CPNE5: variants seen among roughly 807,000 people sequenced by gnomAD.
CPNE5 encodes the protein copine 5.
CPNE5 carries 42 observed loss-of-function variants against 81.1 expected under a neutral mutation model. The observed-to-expected ratio is 0.52, with a 90% CI of 0.40 to 0.67. The LOEUF is 0.67. Ranked by LOEUF, CPNE5 falls within the 30% of genes least tolerant of loss-of-function variation. The probability of loss-of-function intolerance (pLI) is 0.00; values close to 1 mark genes in which losing one functional copy is unlikely to be tolerated. For missense variants in CPNE5, 612 were observed against 815.5 expected, an observed-to-expected ratio of 0.75 and a Z score of 3.04; for synonymous variants, 313 against 321.5, an observed-to-expected ratio of 0.97 and a Z score of 0.28.
intron 3 of CPNE5, among the ~76,000 whole-genome samples, chr6:36,807,127 A>T (rs1018410490): frequency 1.3e-5 from 2 of 152,238 alleles, no homozygotes; most frequent in Non-Finnish European, 2.9e-5. Context: ...GCCAAGGTTT[A>T]TATCAGTTTC....
At chr6:36,835,533 C>T (rs903667314) in intron 1 of CPNE5, among the ~76,000 whole-genome samples, 8 of 152,272 alleles carry the variant, frequency 5.3e-5, no homozygotes, top group South Asian at 2.1e-4. Context: ...CAGTGGCTGA[C>T]GCCTGTAATC....
chr6:36,744,100 G>A (rs879925892), intron 19 of CPNE5, among the ~76,000 whole-genome samples, 168 bp downstream of exon 19: 8 of 152,214 alleles, frequency 5.3e-5, no homozygotes, highest in Non-Finnish European at 8.8e-5. Context: ...AAACAAATGC[G>A]TCCCACACCC....
At position 36,742,281 on chromosome 6, in the gene CPNE5, T is replaced by C. The variant is rs1274144087; in HGVS notation, c.1769A>G (p.His590Arg). Residue 590 changes from histidine to arginine, a missense_variant, in exon 21 of 21, where the codon CAC becomes CGC. Physicochemically the swap from His to Arg is conservative, Grantham distance 29. Coordinates refer to ENST00000244751, the MANE Select transcript of CPNE5 (RefSeq NM_020939.2). ...PARTPPASPL[H>R]THI is the part of the protein sequence containing the mutation. ...CTGAGACCAGGTTCAGATGTGCGTG[T>C]GCAGGGGGGACGCAGGGGGCGTGCG... The C allele has an allele frequency of 2.5e-6, 4 of 1,591,552 alleles. No homozygotes were observed. In the South Asian group the frequency reaches 3.4e-5, roughly 13 times the overall value.
chr6:36,801,948 C>T (rs1198155702), intron 3 of CPNE5, among the ~76,000 whole-genome samples: 3 of 152,238 alleles, frequency 2.0e-5, no homozygotes, highest in African/African-American at 2.4e-5. Flanking sequence ...CGGCTGGGCG[C>T]GGTGGCTGAC....
intron 10 of CPNE5, among the ~76,000 whole-genome samples, chr6:36,769,350 C>G (rs1320405502): frequency 6.6e-6 from 1 of 152,210 alleles, no homozygotes; most frequent in Non-Finnish European, 1.5e-5. Context: ...CTCTGGACAC[C>G]TAGAGCCACA....
chr6:36,770,287 C>T (rs1766938902), intron 10 of CPNE5, among the ~76,000 whole-genome samples: 1 of 152,212 alleles, frequency 6.6e-6, no homozygotes, highest in African/African-American at 2.4e-5. Context: ...GCAGCTTCTC[C>T]TTACTCTGGC....
intron 1 of CPNE5, among the ~76,000 whole-genome samples, chr6:36,834,254 CAAAAAAA>C (rs1157250827): frequency 6.5e-4 from 14 of 21,684 alleles, no homozygotes; most frequent in Admixed American, 2.3e-3. Flanking sequence ...GACTGTATCT[CAAAAAAA>C]AAAAAAAAAA....
chr6:36,831,484 G>A (rs1036065379), intron 1 of CPNE5, among the ~76,000 whole-genome samples: 2 of 151,942 alleles, frequency 1.3e-5, no homozygotes, highest in Non-Finnish European at 2.9e-5. Flanking sequence ...TTCTCGAGTA[G>A]CTGGGATTAC....
intron 10 of CPNE5, among the ~76,000 whole-genome samples, chr6:36,767,357 G>T (rs544973882): frequency 6.6e-6 from 1 of 152,116 alleles, no homozygotes. Context: ...TATGTGTTCC[G>T]GAGTGATGAC....
chr6:36,741,962 G>A lies in CPNE5; in HGVS notation c.*306C>T, dbSNP rs1419944390. On this transcript the variant is annotated 3_prime_UTR_variant, in exon 21 of 21. Transcript: ENST00000244751. ...TAGGATTGCCGGGGGTGGGCGACAG[G>A]GACCCCAATCACCCTTATTGTTTAC... 1.1e-5 allele frequency: 4 copies of A among 351,774 alleles called. No individual in the cohort carries two copies. The highest frequency in any genetic ancestry group is 2.0e-5 in the Non-Finnish European group (4 of 195,130). The allele number at this position is 351,774 out of a possible 1,614,324, so 21.8% of individuals were successfully genotyped here.
chr6:36,784,666 G>GCATGATGGT (rs2150485724), intron 8 of CPNE5, among the ~76,000 whole-genome samples: 1 of 152,298 alleles, frequency 6.6e-6, no homozygotes, highest in South Asian at 2.1e-4. Flanking sequence ...CCTTGGCCGG[G>GCATGATGGT]CATGATGGTG....
intron 12 of CPNE5, among the ~76,000 whole-genome samples, chr6:36,759,704 G>A (rs1324128404): frequency 2.0e-5 from 3 of 152,084 alleles, no homozygotes; most frequent in African/African-American, 7.2e-5. Context: ...CCCACAGGGA[G>A]GCTCCGTGGA....
chr6:36,805,305 C>T (rs562966194), intron 3 of CPNE5, among the ~76,000 whole-genome samples: 1 of 152,340 alleles, frequency 6.6e-6, no homozygotes, highest in African/African-American at 2.4e-5. Context: ...CCCTCACCAC[C>T]CGTAATACAG....
At position 36,825,718 on chromosome 6, in the gene CPNE5, C is replaced by A. The variant is rs796745743; in HGVS notation, c.96-2620G>T. Among the ~76,000 whole-genome samples, 26 of 152,292 alleles carry A rather than the reference C, an allele frequency of 1.7e-4. No homozygotes were observed. The East Asian group carries it at 4.1e-3, about 24-fold the overall frequency. On this transcript the variant is annotated intron_variant, in intron 1 of 20. Transcript: ENST00000244751. Reference sequence around the variant, plus strand: ...AGGCGGGCTGACTTCCCTGGGCCGACATTCTCATCCTGAAGTGTGCTAAGT... The same window carrying A: ...AGGCGGGCTGACTTCCCTGGGCCGAAATTCTCATCCTGAAGTGTGCTAAGT...
At chr6:36,754,462 T>A (rs1765201538) in intron 13 of CPNE5, 1 of 152,160 alleles carries the variant, frequency 6.6e-6, no homozygotes, top group African/African-American at 2.4e-5. Flanking sequence ...TTTCACAAGA[T>A]CCCCAGGGGA....
chr6:36,782,464 G>A (rs1440506647), intron 8 of CPNE5, among the ~76,000 whole-genome samples: 1 of 152,136 alleles, frequency 6.6e-6, no homozygotes, highest in African/African-American at 2.4e-5. Flanking sequence ...GACATTCAGT[G>A]CTCCACTGGG....
intron 3 of CPNE5, among the ~76,000 whole-genome samples, chr6:36,818,768 G>A (rs1359737584): frequency 6.6e-6 from 1 of 152,164 alleles, no homozygotes; most frequent in African/African-American, 2.4e-5. Flanking sequence ...TCCACCCTGC[G>A]GCGGGTGTAG....
chr6:36,748,924 A>G (rs1169516209), intron 14 of CPNE5, among the ~76,000 whole-genome samples: 1 of 151,894 alleles, frequency 6.6e-6, no homozygotes, highest in African/African-American at 2.4e-5. Context: ...GGCCTCTCAG[A>G]CTCTATCTAG....
At chr6:36,785,566 T>A (rs1768455004) in intron 8 of CPNE5, among the ~76,000 whole-genome samples, 1 of 152,138 alleles carries the variant, frequency 6.6e-6, no homozygotes, top group Non-Finnish European at 1.5e-5. Context: ...ACAACTTACA[T>A]GCCCTAAGAA....
Sources: gnomAD v4.1 joint callset for allele counts (sites outside exome capture counted in the v4.1 genomes callset) on GRCh38, gnomAD v4.1.1 for gene constraint, MANE v1.5 for transcripts, NCBI Gene and HGNC (gene_info 2026-07-23, HGNC 2026-07-21) for gene names.